The following DOCK1 variants were observed in gnomAD, a reference collection of about 807,000 sequenced individuals.
The protein encoded by DOCK1 is dedicator of cytokinesis protein 1.
A neutral mutation model predicts 262.7 loss-of-function variants in DOCK1; 138 were observed. That is an observed-to-expected ratio of 0.53 (90% CI 0.46 to 0.61). DOCK1 has a LOEUF of 0.61. Ranked by LOEUF, DOCK1 falls within the 20% of genes least tolerant of loss-of-function variation. The pLI, the probability that DOCK1 is intolerant of heterozygous loss-of-function variation, is 0.00. For synonymous variants in DOCK1, 866 were observed against 867.4 expected, an observed-to-expected ratio of 1.00 and a Z score of 0.03; for missense variants, 1,908 against 2,370.7, an observed-to-expected ratio of 0.80 and a Z score of 4.05.
At chr10:126,998,650 G>A (rs1381254650) in intron 8 of DOCK1, 1 of 164,842 alleles carries the variant, frequency 6.1e-6, no homozygotes, top group Non-Finnish European at 1.3e-5. Context: ...TGTGAGTTTT[G>A]TCTTGTTTTT....
chr10:127,322,317 G>A (rs2062570237), intron 29 of DOCK1, among the ~76,000 whole-genome samples: 1 of 148,546 alleles, frequency 6.7e-6, no homozygotes, highest in African/African-American at 2.6e-5. Flanking sequence ...AGCCTCCTAA[G>A]TAGCTGGGAT....
intron 27 of DOCK1, among the ~76,000 whole-genome samples, chr10:127,147,081 C>T (rs2051939946): frequency 6.6e-6 from 1 of 152,176 alleles, no homozygotes; most frequent in African/African-American, 2.4e-5. Flanking sequence ...CAACCCATCA[C>T]TTTTGTGAAT....
chr10:126,960,563 T>G (rs2037114616), intron 1 of DOCK1, among the ~76,000 whole-genome samples: 1 of 149,980 alleles, frequency 6.7e-6, no homozygotes, highest in Non-Finnish European at 1.5e-5. Flanking sequence ...TGGGGAGAGG[T>G]AGGGCTGTGG....
intron 1 of DOCK1, among the ~76,000 whole-genome samples, chr10:126,922,577 CCCT>C (rs753304448): frequency 6.6e-6 from 1 of 152,138 alleles, no homozygotes; most frequent in Non-Finnish European, 1.5e-5. Flanking sequence ...TGATCCAAAT[CCCT>C]CCCACAAGGC....
chr10:127,328,571 G>A (rs1034731646), intron 29 of DOCK1, among the ~76,000 whole-genome samples: 3 of 152,134 alleles, frequency 2.0e-5, no homozygotes, highest in South Asian at 2.1e-4. Flanking sequence ...TGGCAGGGAC[G>A]CCAGGGACAG....
At chr10:126,939,962 G>T (rs2034864729) in intron 1 of DOCK1, among the ~76,000 whole-genome samples, 1 of 152,324 alleles carries the variant, frequency 6.6e-6, no homozygotes, top group South Asian at 2.1e-4. Context: ...CCATGAGCTG[G>T]TGGCTGCATT....
chr10:127,061,188 A>G (rs1402159901), intron 22 of DOCK1, among the ~76,000 whole-genome samples: 4 of 152,206 alleles, frequency 2.6e-5, no homozygotes, highest in Non-Finnish European at 4.4e-5. Flanking sequence ...AGATCATGCC[A>G]TTGCACTCCA....
At chr10:127,356,418 T>C (rs1412579726) in intron 32 of DOCK1, among the ~76,000 whole-genome samples, 1 of 152,228 alleles carries the variant, frequency 6.6e-6, no homozygotes, top group African/African-American at 2.4e-5. Context: ...TTCTATGACA[T>C]ATATATACGA....
chr10:127,309,002 G>T (rs949420172), intron 29 of DOCK1, among the ~76,000 whole-genome samples: 3 of 152,178 alleles, frequency 2.0e-5, no homozygotes, highest in African/African-American at 7.2e-5. Flanking sequence ...GATCCTTGAG[G>T]AATCACCACA....
At chr10:127,395,868 C>G (rs1189499978) in intron 38 of DOCK1, among the ~76,000 whole-genome samples, 1 of 152,210 alleles carries the variant, frequency 6.6e-6, no homozygotes, top group East Asian at 1.9e-4. Context: ...GGCCTAGAAG[C>G]CAAGAGTTCT....
intron 2 of DOCK1, among the ~76,000 whole-genome samples, chr10:126,973,570 A>T (rs115536975): frequency 0.044 from 6,775 of 152,256 alleles, 137 homozygotes; most frequent in Admixed American, 0.063. Context: ...TCTGATGAAA[A>T]TATTTCAGTC....
intron 29 of DOCK1, among the ~76,000 whole-genome samples, chr10:127,326,563 AT>A (rs1215335787): frequency 1.3e-5 from 2 of 152,114 alleles, no homozygotes; most frequent in Non-Finnish European, 2.9e-5. Flanking sequence ...CTACATCTGA[AT>A]TTACTTCTTC....
intron 29 of DOCK1, among the ~76,000 whole-genome samples, chr10:127,321,280 T>G: frequency 9.1e-6 from 1 of 109,768 alleles, no homozygotes; most frequent in East Asian, 3.4e-4. Context: ...CTCGGCCCTA[T>G]CCTCCCCTCC....
At chr10:127,140,353 T>C (rs535393949) in intron 27 of DOCK1, among the ~76,000 whole-genome samples, 4 of 152,310 alleles carry the variant, frequency 2.6e-5, no homozygotes, top group African/African-American at 7.2e-5. Context: ...CCTGGGAATC[T>C]GCAACCAGAG....
chr10:127,369,709 T>C (rs1400300161), intron 33 of DOCK1, among the ~76,000 whole-genome samples: 1 of 151,996 alleles, frequency 6.6e-6, no homozygotes, highest in Non-Finnish European at 1.5e-5. Context: ...GGCTCATGAG[T>C]GTTTCACAGG....
At position 127,000,266 on chromosome 10, in the gene DOCK1, G is replaced by A; in HGVS notation, c.944G>A (p.Arg315Lys). The change falls in exon 10 of 52, where the codon AGG becomes AAG. Residue 315 changes from arginine (R) to lysine (K), a missense_variant. By Grantham distance (26) the Arg-to-Lys change is conservative. Transcript: ENST00000623213. ...GRMELRDNNT[R>K]KLTSGLRRPF... ...ATGGAGCTGAGGGACAACAACACCA[G>A]GAAACTGACCTCGGGGTTGCGGCGA... The A allele has an allele frequency of 6.2e-7, 1 of 1,614,016 alleles. No individual in the cohort carries two copies. The highest frequency in any genetic ancestry group is 8.5e-7 in the Non-Finnish European group (1 of 1,179,886).
intron 27 of DOCK1, among the ~76,000 whole-genome samples, chr10:127,135,206 C>T (rs1188876145): frequency 1.3e-5 from 2 of 152,212 alleles, no homozygotes; most frequent in Non-Finnish European, 1.5e-5. Context: ...TGGTGAAACT[C>T]CATGCCAGGG....
At chr10:127,445,421 T>C (rs2070473134) in intron 50 of DOCK1, among the ~76,000 whole-genome samples, 1 of 151,960 alleles carries the variant, frequency 6.6e-6, no homozygotes, top group Non-Finnish European at 1.5e-5. Flanking sequence ...GCTGCAGGAG[T>C]GGATGCGTGA....
At chr10:127,281,759 G>A (rs549205584) in intron 29 of DOCK1, among the ~76,000 whole-genome samples, 3 of 152,248 alleles carry the variant, frequency 2.0e-5, no homozygotes, top group South Asian at 2.1e-4. Flanking sequence ...CCTTTTGACC[G>A]GGATGATTTG....
Sources: allele counts gnomAD v4.1 joint callset (sites outside exome capture counted in the v4.1 genomes callset), GRCh38; gene constraint gnomAD v4.1.1; transcripts MANE v1.5; gene names NCBI Gene and HGNC (gene_info 2026-07-23, HGNC 2026-07-21).